Variants in TRPC3 observed in about 807,000 individuals in gnomAD.
TRPC3 encodes the protein short transient receptor potential channel 3.
In TRPC3, 54 loss-of-function variants were observed where a neutral mutation model predicts 90.9. The ratio of observed to expected loss-of-function variants is 0.59; its 90% CI spans 0.48 to 0.75. The LOEUF is 0.75. Ranked by LOEUF, TRPC3 falls within the 30% of genes least tolerant of loss-of-function variation. The pLI, the probability that TRPC3 is intolerant of heterozygous loss-of-function variation, is 0.00. For synonymous variants in TRPC3, 424 were observed against 450.9 expected, an observed-to-expected ratio of 0.94 and a Z score of 0.75; for missense variants, 918 against 1,194.5, an observed-to-expected ratio of 0.77 and a Z score of 3.41.
chr4:121,894,343 T>C (rs192803977), intron 10 of TRPC3, among the ~76,000 whole-genome samples: 5 of 152,090 alleles, frequency 3.3e-5, no homozygotes, highest in African/African-American at 1.2e-4. Flanking sequence ...ACTAGAGCAC[T>C]CAGATATATA....
At chr4:121,922,925 G>A (rs1439913308) in intron 3 of TRPC3, among the ~76,000 whole-genome samples, 1 of 152,120 alleles carries the variant, frequency 6.6e-6, no homozygotes, top group African/African-American at 2.4e-5. Context: ...AATCTTTACT[G>A]AGAATCTTCA....
intron 3 of TRPC3, among the ~76,000 whole-genome samples, chr4:121,921,066 T>C (rs890695543): frequency 5.3e-5 from 8 of 152,196 alleles, no homozygotes; most frequent in Non-Finnish European, 7.3e-5. Context: ...TGGTGTTTTA[T>C]ATATTCATTT....
chr4:121,936,403 C>T (rs1387349609), intron 1 of TRPC3, among the ~76,000 whole-genome samples: 1 of 152,218 alleles, frequency 6.6e-6, no homozygotes, highest in Non-Finnish European at 1.5e-5. Flanking sequence ...TCCAATGGGT[C>T]ATTCAACACC....
intron 2 of TRPC3, among the ~76,000 whole-genome samples, chr4:121,928,183 A>G (rs1560710903): frequency 6.6e-6 from 1 of 151,940 alleles, no homozygotes; most frequent in Non-Finnish European, 1.5e-5. Context: ...ATTATAGTCT[A>G]TAAACTGTTT....
chr4:121,948,889 G>A (rs1460986263), intron 1 of TRPC3, among the ~76,000 whole-genome samples: 6 of 149,770 alleles, frequency 4.0e-5, no homozygotes, highest in Admixed American at 6.7e-5. Flanking sequence ...TTTTTAAAAC[G>A]GAACTGATTT....
rs77255328 is a variant in TRPC3 at position 121,947,827 on chromosome 4, G to T, written c.215+3639C>A. On this transcript the variant is annotated intron_variant, in intron 1 of 11. Coordinates refer to ENST00000379645, the MANE Select transcript of TRPC3 (RefSeq NM_001130698.2). ...TTTCTAGAAATCTTTCTCTGTTAAAGATAACATTGCTGAAAAATCTAATGA... is the reference window on the plus strand; with the variant it reads ...TTTCTAGAAATCTTTCTCTGTTAAATATAACATTGCTGAAAAATCTAATGA... Among the ~76,000 whole-genome samples the T allele has an allele frequency of 1.3e-3, 197 of 152,250 alleles. 8 individuals carry two copies. The East Asian group carries it at 0.036, about 28-fold the overall frequency.
rs1727818697 is a variant in TRPC3, at chr4:121,878,064, A to G, written c.*1672T>C. Among the ~76,000 whole-genome samples, 2 of 152,246 alleles carry G rather than the reference A, an allele frequency of 1.3e-5. No homozygotes were observed. The highest frequency in any genetic ancestry group is 1.3e-4 in the Admixed American group (2 of 15,284). Reference sequence around the variant, plus strand: ...AGAAACTTTGTATCTTTACTATCTTAACATATGGTAACATATAACAATGGA... The same window carrying G: ...AGAAACTTTGTATCTTTACTATCTTGACATATGGTAACATATAACAATGGA... On this transcript the variant is annotated 3_prime_UTR_variant, in exon 12 of 12. Coordinates refer to ENST00000379645, the MANE Select transcript of TRPC3 (RefSeq NM_001130698.2).
intron 7 of TRPC3, among the ~76,000 whole-genome samples, chr4:121,906,713 G>A (rs926490992): frequency 6.6e-6 from 1 of 151,980 alleles, no homozygotes; most frequent in African/African-American, 2.4e-5. Context: ...ACACCACTGG[G>A]TGAGAACAGA....
chr4:121,945,560 G>A (rs761871864), intron 1 of TRPC3, among the ~76,000 whole-genome samples: 3 of 152,068 alleles, frequency 2.0e-5, no homozygotes, highest in East Asian at 1.9e-4. Flanking sequence ...GCTAGAGAAC[G>A]CCCAGAAATT....
intron 3 of TRPC3, among the ~76,000 whole-genome samples, chr4:121,922,297 A>C (rs1182304265): frequency 1.3e-5 from 2 of 152,212 alleles, no homozygotes. Flanking sequence ...GAATTCTTAC[A>C]CACATTTATT....
chr4:121,925,331 C>A, intron 2 of TRPC3, 125 bp from the exon 3 acceptor site: 1 of 1,043,936 alleles, frequency 9.6e-7, no homozygotes, highest in Non-Finnish European at 1.3e-6. Flanking sequence ...CACCTGGATG[C>A]AAGGCTTGTT....
chr4:121,908,547 C>CA (rs999279380), intron 6 of TRPC3, among the ~76,000 whole-genome samples: 2 of 152,056 alleles, frequency 1.3e-5, no homozygotes, highest in East Asian at 1.9e-4. Context: ...TATGCAGCCA[C>CA]AAAAAAGAAC....
chr4:121,907,236 C>A, intron 7 of TRPC3, 67 bp downstream of exon 7: 1 of 1,439,472 alleles, frequency 6.9e-7, no homozygotes, highest in Non-Finnish European at 9.4e-7. Flanking sequence ...GAAATTTTTC[C>A]TTTGCTTCCT....
At chr4:121,899,991 A>G (rs1397038973) in intron 9 of TRPC3, among the ~76,000 whole-genome samples, 1 of 152,186 alleles carries the variant, frequency 6.6e-6, no homozygotes, top group Non-Finnish European at 1.5e-5. Context: ...GGGACCTTGT[A>G]TACTTTATCA....
In TRPC3 at chr4:121,874,726, C is replaced by T. The variant is rs949793965; in HGVS notation, c.*5010G>A. 6.6e-6 allele frequency among the ~76,000 whole-genome samples: 1 copy of T among 152,146 alleles called. No homozygotes were observed. Among genetic ancestry groups the T allele is most frequent in the Non-Finnish European group, 1.5e-5 (1 of 68,038 alleles). ...ATTACCTCTTTAAAGACCCTATCTC[C>T]AACTATAGTTATAGTCTGAGATACT... On this transcript the variant is annotated 3_prime_UTR_variant, in exon 12 of 12. Transcript: ENST00000379645.
rs187912823 is a variant in TRPC3, at chr4:121,904,682, A to G, written c.2058-165T>C. 7.5e-3 allele frequency among the ~76,000 whole-genome samples: 1,135 copies of G among 152,280 alleles called. 3 individuals are homozygous for G. Among genetic ancestry groups the G allele is most frequent in the Non-Finnish European group, 0.012 (821 of 68,014 alleles). On this transcript the variant is annotated intron_variant, in intron 7 of 11. Coordinates refer to ENST00000379645, the MANE Select transcript of TRPC3 (RefSeq NM_001130698.2). The stretch of plus-strand genomic sequence containing the variant: ...TGTTATGACATTTCATAGAAAAATT[A>G]TTCTTTCAGGTTTTCAGGAACTGAT...
chr4:121,950,875 A>C (rs1441627177), intron 1 of TRPC3: 1 of 152,376 alleles, frequency 6.6e-6, no homozygotes, highest in Non-Finnish European at 1.5e-5. Flanking sequence ...CAGAGAGACG[A>C]GGCGCCTGGG....
intron 1 of TRPC3, chr4:121,933,541 A>G (rs1481297594): frequency 6.6e-6 from 1 of 152,384 alleles, no homozygotes; most frequent in African/African-American, 2.4e-5. Context: ...AGCCCCCTAC[A>G]AAAGCACAGG....
intron 1 of TRPC3, among the ~76,000 whole-genome samples, chr4:121,934,287 T>G (rs968677927): frequency 6.6e-6 from 1 of 152,196 alleles, no homozygotes; most frequent in African/African-American, 2.4e-5. Flanking sequence ...ATTCAGAGTC[T>G]CTGAAAAACA....
Sources: gnomAD v4.1 joint callset for allele counts (sites outside exome capture counted in the v4.1 genomes callset) on GRCh38, gnomAD v4.1.1 for gene constraint, MANE v1.5 for transcripts, NCBI Gene and HGNC (gene_info 2026-07-23, HGNC 2026-07-21) for gene names.